The following ESYT3 variants were observed in gnomAD, a reference collection of about 807,000 sequenced individuals.
The protein encoded by ESYT3 is extended synaptotagmin 3.
Under a neutral mutation model 111.5 loss-of-function variants are expected in ESYT3, and 101 were observed. That is an observed-to-expected ratio of 0.91 (90% CI 0.77 to 1.07). The LOEUF (loss-of-function observed/expected upper bound fraction) is 1.07, where lower values mean the gene tolerates loss of function less well. Among genes scored for constraint, ESYT3 ranks in the 50% least tolerant of loss-of-function variants. The pLI, the probability that ESYT3 is intolerant of heterozygous loss-of-function variation, is 0.00. For synonymous variants in ESYT3, 416 were observed against 446.8 expected (o/e 0.93, Z 0.87); for missense variants, 1,097 against 1,109.4 (o/e 0.99, Z 0.16).
At position 138,459,149 on chromosome 3, in the gene ESYT3, C is replaced by T. The variant is rs775074414; in HGVS notation, c.582-38C>T. 3.4e-5 allele frequency: 50 copies of T among 1,464,388 alleles called. No individual in the cohort carries two copies. In the South Asian group the frequency reaches 6.5e-4, roughly 19 times the overall value. The allele number at this position is 1,464,388 out of a possible 1,614,324, so 90.7% of individuals were successfully genotyped here. A position where few individuals can be genotyped will look rare whatever the true frequency, so the allele number is the denominator to read the frequency against. On this transcript the variant is annotated intron_variant, in intron 4 of 22. Transcript: ENST00000389567. ...AACCTTTCTGAGCAAGTGGACCTAC[C>T]CCTCCTCCCCACCTTCCTTTTCCAC...
chr3:138,437,971 G>A (rs772234887), intron 1 of ESYT3, among the ~76,000 whole-genome samples: 16 of 152,168 alleles, frequency 1.1e-4, no homozygotes, highest in African/African-American at 1.9e-4. Context: ...CACCCGCCTC[G>A]TGAAGGTTTC....
At chr3:138,461,528 A>G (rs1307817014) in intron 7 of ESYT3, among the ~76,000 whole-genome samples, 3 of 152,192 alleles carry the variant, frequency 2.0e-5, no homozygotes, top group Non-Finnish European at 4.4e-5. Context: ...ATTCACTGAC[A>G]TCTGCATGGA....
In ESYT3 at chr3:138,461,980, G is replaced by A. The variant is rs1387829948; in HGVS notation, c.795-106G>A. 3.9e-6 allele frequency: 6 copies of A among 1,548,930 alleles called. No homozygotes were observed. In the East Asian group the frequency reaches 6.7e-5, roughly 17 times the overall value. On this transcript the variant is annotated intron_variant, in intron 7 of 22. Coordinates refer to ENST00000389567, the MANE Select transcript of ESYT3 (RefSeq NM_031913.5). ...GGGTCAGGGCTGTTCTCTAGGTGGG[G>A]CCCACCCTACCAATCTGGGCTCCTG...
At chr3:138,447,219 A>G (rs545012190) in intron 1 of ESYT3, among the ~76,000 whole-genome samples, 3 of 152,350 alleles carry the variant, frequency 2.0e-5, no homozygotes, top group African/African-American at 4.8e-5. Flanking sequence ...TTAGAAGGAC[A>G]TGATTAATAA....
At chr3:138,461,797 CAGCCTTGCTCTT>C (rs960482533) in intron 7 of ESYT3, among the ~76,000 whole-genome samples, 1 of 152,236 alleles carries the variant, frequency 6.6e-6, no homozygotes, top group African/African-American at 2.4e-5. Context: ...ACACAGGCTT[CAGCCTTGCTCTT>C]AGCCACTGTG....
chr3:138,454,570 AAG>A (rs1269776905), intron 2 of ESYT3, among the ~76,000 whole-genome samples: 1 of 152,026 alleles, frequency 6.6e-6, no homozygotes, highest in Non-Finnish European at 1.5e-5. Context: ...AAAAAAGAAA[AAG>A]AAGATGGAGA....
rs72976611 is a variant in ESYT3, at chr3:138,452,978, A to G, written c.369+889A>G. On this transcript the variant is annotated intron_variant, in intron 2 of 22. Transcript: ENST00000389567. ...CACACACCAGGGTCACAACTCCTTGAGAGGCTGAGGCAGGAGGATCGTTTC... is the reference window on the plus strand; with the variant it reads ...CACACACCAGGGTCACAACTCCTTGGGAGGCTGAGGCAGGAGGATCGTTTC... Among the ~76,000 whole-genome samples the G allele has an allele frequency of 8.0e-3, 1,218 of 152,266 alleles. 21 individuals carry two copies. Among genetic ancestry groups the G allele is most frequent in the African/African-American group, 0.027 (1,123 of 41,536 alleles).
intron 1 of ESYT3, among the ~76,000 whole-genome samples, chr3:138,441,567 AG>A (rs1409602459): frequency 3.3e-5 from 5 of 152,080 alleles, no homozygotes; most frequent in African/African-American, 1.2e-4. Context: ...AAGACCTGGG[AG>A]GGCCACAACC....
At chr3:138,464,207 TG>T in intron 8 of ESYT3, 137 bp from the exon 9 acceptor site, 1 of 961,974 alleles carries the variant, frequency 1.0e-6, no homozygotes, top group African/African-American at 1.6e-5. Flanking sequence ...CTGCCGTATC[TG>T]GCTTCTATCT....
intron 14 of ESYT3, 72 bp from the exon 15 acceptor site, chr3:138,469,364 G>A (rs2033101156): frequency 7.3e-7 from 1 of 1,360,676 alleles, no homozygotes; most frequent in East Asian, 2.3e-5. Context: ...GCTCCTGGGG[G>A]TTGGGGGTAG....
At position 138,444,729 on chromosome 3, in the gene ESYT3, A is replaced by G. The variant is rs185852787; in HGVS notation, c.328-7319A>G. On this transcript the variant is annotated intron_variant, in intron 1 of 22. Transcript: ENST00000389567. ...GAGCAGGCCCGGAGCCAGGGAAATC[A>G]TAATATTCTGTTTTTTGCCTTTTGG... Among the ~76,000 whole-genome samples the G allele has an allele frequency of 1.7e-3, 264 of 152,306 alleles. 1 individual carries two copies. Among genetic ancestry groups the G allele is most frequent in the African/African-American group, 5.8e-3 (242 of 41,568 alleles).
intron 8 of ESYT3, among the ~76,000 whole-genome samples, chr3:138,463,710 C>A (rs1449260806): frequency 2.6e-5 from 4 of 152,170 alleles, no homozygotes; most frequent in African/African-American, 7.2e-5. Context: ...TAAAAAAATT[C>A]TAGGAAGGAG....
At chr3:138,461,116 A>G (rs2032612384) in intron 7 of ESYT3, among the ~76,000 whole-genome samples, 1 of 152,178 alleles carries the variant, frequency 6.6e-6, no homozygotes, top group Non-Finnish European at 1.5e-5. Context: ...CCTCAGTAAA[A>G]GGGGAGCCTG....
chr3:138,458,838 C>T (rs1028280001), intron 4 of ESYT3, among the ~76,000 whole-genome samples: 4 of 152,196 alleles, frequency 2.6e-5, no homozygotes, highest in Non-Finnish European at 4.4e-5. Flanking sequence ...AAGTGGGCAG[C>T]GTGTTTACCA....
rs752062794 is a variant in ESYT3 at position 138,452,102 on chromosome 3, G to A, written c.369+13G>A. ...GTGGGCCAACAAGGTAAGGCCGCTG[G>A]CAGGGCCTAGCAGGGCCGGACGCAT... is the stretch of plus-strand genomic sequence containing the variant. On this transcript the variant is annotated intron_variant, in intron 2 of 22. Transcript: ENST00000389567. 1.2e-6 allele frequency: 2 copies of A among 1,609,358 alleles called. No individual in the cohort carries two copies. The highest frequency in any genetic ancestry group is 2.7e-5 in the African/African-American group (2 of 74,908).
intron 1 of ESYT3, among the ~76,000 whole-genome samples, chr3:138,436,656 T>G (rs1326291297): frequency 2.0e-5 from 3 of 152,306 alleles, no homozygotes; most frequent in African/African-American, 7.2e-5. Context: ...TCCCACAGAC[T>G]TTGGTCATCC....
intron 17 of ESYT3, 143 bp downstream of exon 17, chr3:138,471,169 C>T (rs762056719): frequency 2.5e-5 from 17 of 674,882 alleles, no homozygotes; most frequent in Middle Eastern, 4.1e-4. Flanking sequence ...TTTTGAAATA[C>T]TGAATGGGAG....
chr3:138,457,438 T>A (rs2032351926), intron 3 of ESYT3, 130 bp from the exon 4 acceptor site: 1 of 816,064 alleles, frequency 1.2e-6, no homozygotes, highest in Admixed American at 1.7e-5. Flanking sequence ...TAGATTTACA[T>A]GTCTGTGCCT....
chr3:138,438,927 AG>A (rs2030933047), intron 1 of ESYT3, among the ~76,000 whole-genome samples: 1 of 152,214 alleles, frequency 6.6e-6, no homozygotes, highest in African/African-American at 2.4e-5. Context: ...CCTTGAACAG[AG>A]GGTTCAAGAG....
Sources: allele counts gnomAD v4.1 joint callset (sites outside exome capture counted in the v4.1 genomes callset), GRCh38; gene constraint gnomAD v4.1.1; transcripts MANE v1.5; gene names NCBI Gene and HGNC (gene_info 2026-07-23, HGNC 2026-07-21).